Variants in RIMS2 observed in about 807,000 individuals in gnomAD.
RIMS2 encodes regulating synaptic membrane exocytosis protein 2.
RIMS2 carries 59 observed loss-of-function variants against 174.4 expected under a neutral mutation model. The observed-to-expected ratio is 0.34, with a 90% CI of 0.27 to 0.42. The LOEUF (loss-of-function observed/expected upper bound fraction) is 0.42, where lower values mean the gene tolerates loss of function less well. RIMS2 is among the 10% of genes least tolerant of loss of function. The pLI is 1.00. For missense variants in RIMS2, 1,620 were observed against 1,666.3 expected, an observed-to-expected ratio of 0.97 and a Z score of 0.48; for synonymous variants, 606 against 572.5, an observed-to-expected ratio of 1.06 and a Z score of -0.84.
At chr8:103,580,825 C>CTTTT (rs61559970) in intron 1 of RIMS2, among the ~76,000 whole-genome samples, 1,668 of 113,342 alleles carry the variant, frequency 0.015, 77 homozygotes, top group African/African-American at 0.034. Context: ...AAAGGGAATA[C>CTTTT]TTTTTTTTTT....
At chr8:104,090,748 T>C (rs2097640156) in intron 19 of RIMS2, among the ~76,000 whole-genome samples, 1 of 151,816 alleles carries the variant, frequency 6.6e-6, no homozygotes, top group Admixed American at 6.6e-5. Context: ...GAGGACATAC[T>C]AGGAGTCAGT....
At chr8:103,521,779 G>A (rs182470706) in intron 1 of RIMS2, among the ~76,000 whole-genome samples, 36 of 151,572 alleles carry the variant, frequency 2.4e-4, no homozygotes, top group African/African-American at 7.3e-4. Context: ...TGGAGATTTG[G>A]GGATAAAGAT....
At chr8:104,110,233 T>C (rs1402128888) in intron 19 of RIMS2, among the ~76,000 whole-genome samples, 3 of 152,124 alleles carry the variant, frequency 2.0e-5, no homozygotes. Context: ...GTCAAAGTAG[T>C]GATAAAAATT....
rs201878103 is a variant in RIMS2 at position 103,789,046 on chromosome 8, C to T, written c.698+22509C>T. Among the ~76,000 whole-genome samples, 69 of 152,268 alleles carry T rather than the reference C, an allele frequency of 4.5e-4. 1 individual carries two copies. The East Asian group carries it at 0.011, about 25-fold the overall frequency. On this transcript the variant is annotated intron_variant, in intron 3 of 23. Transcript: ENST00000504942. ...GTGACCCGATTTTCCAGGTGCCGTC[C>T]GTCACCCCTTTCTTTGACTCGGAAA... is the stretch of plus-strand genomic sequence containing the variant.
chr8:103,733,998 C>T (rs138836574), intron 2 of RIMS2, among the ~76,000 whole-genome samples: 1,540 of 145,572 alleles, frequency 0.011, 17 homozygotes, highest in Non-Finnish European at 0.015. Context: ...TCTTGCTTTA[C>T]CTCTCCTAAA....
intron 4 of RIMS2, among the ~76,000 whole-genome samples, chr8:103,903,710 G>T (rs1311815342): frequency 6.6e-6 from 1 of 152,118 alleles, no homozygotes; most frequent in African/African-American, 2.4e-5. Flanking sequence ...TGTGCTTCTT[G>T]TGTAACTTCC....
Position 103,627,127 on chromosome 8 carries a change from A to G in RIMS2, c.177-69959A>G, listed in dbSNP as rs189183154. Among the ~76,000 whole-genome samples, 423 of 152,266 alleles carry G rather than the reference A, an allele frequency of 2.8e-3. 2 individuals are homozygous for G. Among genetic ancestry groups the G allele is most frequent in the Non-Finnish European group, 4.7e-3 (321 of 68,026 alleles). On this transcript the variant is annotated intron_variant, in intron 1 of 23. Coordinates refer to ENST00000504942, the Ensembl canonical transcript of RIMS2. ...ACAGACACTCCCAGAGCGGCCATCT[A>G]TAGACCTACCCCAGGAATGCATTCC...
intron 19 of RIMS2, among the ~76,000 whole-genome samples, chr8:104,203,971 A>C (rs77104431): frequency 9.8e-4 from 150 of 152,342 alleles, no homozygotes; most frequent in African/African-American, 3.2e-3. Context: ...AATAGTTTGA[A>C]TATTTTTAAC....
At chr8:103,704,846 T>C (rs2097206616) in intron 2 of RIMS2, among the ~76,000 whole-genome samples, 1 of 152,026 alleles carries the variant, frequency 6.6e-6, no homozygotes, top group Admixed American at 6.6e-5. Flanking sequence ...TTTATTTATT[T>C]TGGACTCTTC....
At chr8:103,919,205 A>G (rs2154529064) in intron 9 of RIMS2, among the ~76,000 whole-genome samples, 1 of 152,318 alleles carries the variant, frequency 6.6e-6, no homozygotes, top group African/African-American at 2.4e-5. Flanking sequence ...AGGATAGACC[A>G]CACTGAGAAG....
Position 103,908,146 on chromosome 8 carries a change from A to G in RIMS2, c.1625-1988A>G, listed in dbSNP as rs538132138. ...AACCTCCGCCTCCCAGGTTCAAGAA[A>G]TCCTCCTGCCTCAGCCTCCCGAATA... On this transcript the variant is annotated intron_variant, in intron 4 of 23. Coordinates refer to ENST00000504942, the Ensembl canonical transcript of RIMS2. Among the ~76,000 whole-genome samples the G allele has an allele frequency of 3.9e-5, 6 of 152,032 alleles. No homozygotes were observed. The South Asian group carries it at 1.2e-3, about 32-fold the overall frequency.
intron 19 of RIMS2, among the ~76,000 whole-genome samples, chr8:104,131,798 A>C (rs188010408): frequency 6.6e-6 from 1 of 152,304 alleles, no homozygotes; most frequent in East Asian, 1.9e-4. Flanking sequence ...CAAGGCAGGA[A>C]CTGAGGATTG....
intron 2 of RIMS2, 26 bp from the exon 6 acceptor site, chr8:103,766,201 T>C: frequency 1.3e-6 from 2 of 1,520,596 alleles, no homozygotes; most frequent in African/African-American, 2.8e-5. Context: ...AACACTAATT[T>C]TTTCCCCCTA....
At chr8:104,092,915 T>C (rs2097688267) in intron 19 of RIMS2, among the ~76,000 whole-genome samples, 1 of 152,004 alleles carries the variant, frequency 6.6e-6, no homozygotes, top group Admixed American at 6.6e-5. Flanking sequence ...TCTGACTATT[T>C]CAATTCCAGG....
At chr8:104,080,759 T>C (rs945737363) in intron 19 of RIMS2, among the ~76,000 whole-genome samples, 1 of 152,070 alleles carries the variant, frequency 6.6e-6, no homozygotes, top group African/African-American at 2.4e-5. Flanking sequence ...TTTTCTTTAG[T>C]TGGAAGGATT....
At chr8:103,664,305 T>G (rs1234660337) in intron 1 of RIMS2, among the ~76,000 whole-genome samples, 1 of 152,160 alleles carries the variant, frequency 6.6e-6, no homozygotes, top group Non-Finnish European at 1.5e-5. Flanking sequence ...AAAGAGCTTC[T>G]GCACAGCAAA....
chr8:104,055,453 A>G (rs535842208), intron 19 of RIMS2, among the ~76,000 whole-genome samples: 42 of 152,168 alleles, frequency 2.8e-4, no homozygotes, highest in Admixed American at 5.9e-4. Context: ...TAAAGTCCAT[A>G]ACACAAATGG....
chr8:103,863,197 T>A (rs187694348), intron 3 of RIMS2, among the ~76,000 whole-genome samples: 1 of 152,028 alleles, frequency 6.6e-6, no homozygotes, highest in African/African-American at 2.4e-5. Flanking sequence ...TTTGTCAGAA[T>A]TTTTTTTGAC....
chr8:104,102,900 T>C (rs2097933494), intron 19 of RIMS2, among the ~76,000 whole-genome samples: 1 of 152,196 alleles, frequency 6.6e-6, no homozygotes, highest in Admixed American at 6.5e-5. Context: ...AGCCAAACCA[T>C]ATAACAAGCT....
Sources: allele counts gnomAD v4.1 joint callset (sites outside exome capture counted in the v4.1 genomes callset), GRCh38; gene constraint gnomAD v4.1.1; transcripts MANE v1.5; gene names NCBI Gene and HGNC (gene_info 2026-07-23, HGNC 2026-07-21).